Variants in SPMAP2 observed in about 807,000 individuals in gnomAD.
SPMAP2 encodes the protein Theg homolog.
At chr19:367,191 C>T in the SPMAP2 span, 2 of 1,607,186 alleles carry the variant, frequency 1.2e-6, no homozygotes, top group Non-Finnish European at 1.7e-6. Context: ...GAGCTGGGGA[C>T]TGCCATTTGG....
the SPMAP2 span, chr19:371,249 C>T: frequency 2.0e-5 from 30 of 1,510,184 alleles, no homozygotes; most frequent in Middle Eastern, 1.8e-4. Context: ...ATCTTCGGGG[C>T]GGCCAGTTCC....
At chr19:373,750 G>C in the SPMAP2 span, among the ~76,000 whole-genome samples, 1 of 152,104 alleles carries the variant, frequency 6.6e-6, no homozygotes, top group Non-Finnish European at 1.5e-5. Flanking sequence ...GAGAAGCATA[G>C]CTAAGAAGAG....
At chr19:366,903 T>C in the SPMAP2 span, among the ~76,000 whole-genome samples, 1 of 152,140 alleles carries the variant, frequency 6.6e-6, no homozygotes, top group African/African-American at 2.4e-5. Context: ...TAGAAAACCC[T>C]CTCAGACAAC....
chr19:364,264 G>T, the SPMAP2 span, among the ~76,000 whole-genome samples: 1 of 149,874 alleles, frequency 6.7e-6, no homozygotes, highest in South Asian at 2.1e-4. Context: ...GTGAACCCGG[G>T]AGGCGGAGCT....
At chr19:373,935 C>A in the SPMAP2 span, 5 of 1,612,966 alleles carry the variant, frequency 3.1e-6, no homozygotes, top group African/African-American at 6.7e-5. Flanking sequence ...CAGCCCTGGA[C>A]TTACCAGCAG....
At chr19:376,003 C>T in the SPMAP2 span, 4 of 1,387,170 alleles carry the variant, frequency 2.9e-6, no homozygotes, top group Non-Finnish European at 3.7e-6. Flanking sequence ...CGCGGCCTCA[C>T]TCTCCCGGCA....
At chr19:367,294 G>A in the SPMAP2 span, 1 of 1,436,204 alleles carries the variant, frequency 7.0e-7, no homozygotes, top group Non-Finnish European at 9.3e-7. Context: ...TGGAGCTGAA[G>A]GACCCCAGGA....
the SPMAP2 span, chr19:374,136 T>C: frequency 9.6e-6 from 14 of 1,455,596 alleles, no homozygotes; most frequent in Non-Finnish European, 1.3e-5. Flanking sequence ...TCCCAGTGTC[T>C]GGCCACCTCC....
chr19:371,375 T>G, the SPMAP2 span: 66 of 617,688 alleles, frequency 1.1e-4, no homozygotes, highest in Admixed American at 1.7e-3. Flanking sequence ...TGGGGGTGTG[T>G]GTGTGTGTGT....
chr19:366,991 A>G, the SPMAP2 span: 1 of 1,489,932 alleles, frequency 6.7e-7, no homozygotes, highest in Non-Finnish European at 9.1e-7. Context: ...TGCCCGCTCT[A>G]GGCAGAGGTA....
chr19:370,797 G>C, the SPMAP2 span, among the ~76,000 whole-genome samples: 4 of 152,304 alleles, frequency 2.6e-5, no homozygotes, highest in Admixed American at 1.3e-4. Context: ...GATGCAGGGC[G>C]GGGGGCGGCA....
the SPMAP2 span, chr19:372,698 C>A: frequency 6.2e-7 from 1 of 1,614,034 alleles, no homozygotes; most frequent in East Asian, 2.2e-5. Flanking sequence ...CGGCGGGACA[C>A]CGCTATGCAA....
chr19:362,576 T>C, the SPMAP2 span: 6 of 549,006 alleles, frequency 1.1e-5, no homozygotes, highest in African/African-American at 3.9e-5. Flanking sequence ...GAGATCAGCC[T>C]GGCCAACATG....
the SPMAP2 span, among the ~76,000 whole-genome samples, chr19:375,054 G>GCATCACCA: frequency 6.6e-6 from 1 of 152,172 alleles, no homozygotes; most frequent in African/African-American, 2.4e-5. Flanking sequence ...CGGAAACCAC[G>GCATCACCA]GTGAGAAGGG....
chr19:375,212 C>A, the SPMAP2 span, among the ~76,000 whole-genome samples: 1 of 152,324 alleles, frequency 6.6e-6, no homozygotes, highest in Middle Eastern at 3.4e-3. Flanking sequence ...CGTCAGTTCA[C>A]CCAGAACGTG....
At chr19:362,699 G>A in the SPMAP2 span, among the ~76,000 whole-genome samples, 1 of 143,802 alleles carries the variant, frequency 7.0e-6, no homozygotes, top group Non-Finnish European at 1.5e-5. Flanking sequence ...TTGGGAGGCA[G>A]AAGTTGCAGT....
At chr19:364,588 C>T in the SPMAP2 span, among the ~76,000 whole-genome samples, 1 of 152,056 alleles carries the variant, frequency 6.6e-6, no homozygotes. Context: ...CTCAAGTCTC[C>T]TCACTCTGCT....
At chr19:372,423 T>A in the SPMAP2 span, among the ~76,000 whole-genome samples, 1 of 152,262 alleles carries the variant, frequency 6.6e-6, no homozygotes, top group Non-Finnish European at 1.5e-5. Flanking sequence ...GCAATGCAGT[T>A]GCACGGGGCC....
the SPMAP2 span, chr19:374,286 G>C: frequency 6.2e-7 from 1 of 1,613,782 alleles, no homozygotes; most frequent in Non-Finnish European, 8.5e-7. Flanking sequence ...GCCGTGGTCT[G>C]GCGTGTCCTC....
Sources: gnomAD v4.1 joint callset for allele counts (sites outside exome capture counted in the v4.1 genomes callset) on GRCh38, gnomAD v4.1.1 for gene constraint, MANE v1.5 for transcripts, NCBI Gene and HGNC (gene_info 2026-07-23, HGNC 2026-07-21) for gene names.